Variants in CCDC148 observed in about 807,000 individuals in gnomAD.
CCDC148 encodes coiled-coil domain containing 148.
A neutral mutation model predicts 85.7 loss-of-function variants in CCDC148; 89 were observed. The ratio of observed to expected loss-of-function variants is 1.04; its 90% CI spans 0.87 to 1.24. The LOEUF is 1.24. CCDC148 is among the 50% of genes most tolerant of loss of function. The pLI is 0.00. For synonymous variants in CCDC148, 230 were observed against 213.9 expected, an observed-to-expected ratio of 1.08 and a Z score of -0.66; for missense variants, 692 against 671.7, an observed-to-expected ratio of 1.03 and a Z score of -0.33.
chr2:158,191,805 T>G (rs1425828509), intron 11 of CCDC148, among the ~76,000 whole-genome samples: 5 of 151,970 alleles, frequency 3.3e-5, no homozygotes, highest in Non-Finnish European at 5.9e-5. Flanking sequence ...TCCTTTTTTT[T>G]CTTTGGAGAC....
chr2:158,220,545 AG>A (rs1558992674), intron 11 of CCDC148, 49 bp downstream of exon 11: 1 of 1,235,602 alleles, frequency 8.1e-7, no homozygotes, highest in East Asian at 2.3e-5. Flanking sequence ...ACTTTACAAA[AG>A]ACTCCATTCA....
intron 11 of CCDC148, among the ~76,000 whole-genome samples, chr2:158,205,504 G>A (rs534958887): frequency 2.0e-5 from 3 of 148,118 alleles, no homozygotes; most frequent in South Asian, 2.2e-4. Context: ...ATTGTACTCC[G>A]GGTGCTTTAT....
chr2:158,321,785 A>T (rs568575683), intron 7 of CCDC148, among the ~76,000 whole-genome samples: 25 of 152,260 alleles, frequency 1.6e-4, no homozygotes, highest in African/African-American at 6.0e-4. Flanking sequence ...TATCCATCTC[A>T]TCTTTATTAG....
chr2:158,320,519 T>C (rs1277727240), intron 7 of CCDC148, among the ~76,000 whole-genome samples: 3 of 152,218 alleles, frequency 2.0e-5, no homozygotes, highest in Admixed American at 6.5e-5. Flanking sequence ...GTTTGTTATA[T>C]AAAATAGGTG....
intron 9 of CCDC148, among the ~76,000 whole-genome samples, chr2:158,291,608 C>T (rs984033718): frequency 7.9e-5 from 12 of 152,242 alleles, no homozygotes; most frequent in South Asian, 2.1e-4. Flanking sequence ...TTGCCTTCCT[C>T]GTTAGGCTAT....
intron 9 of CCDC148, among the ~76,000 whole-genome samples, chr2:158,281,799 C>T (rs1690319405): frequency 6.6e-6 from 1 of 152,146 alleles, no homozygotes; most frequent in Non-Finnish European, 1.5e-5. Flanking sequence ...CATCCTGATA[C>T]CAAAGCCGGG....
At chr2:158,174,267 G>A (rs990078925) in intron 13 of CCDC148, among the ~76,000 whole-genome samples, 2 of 152,042 alleles carry the variant, frequency 1.3e-5, no homozygotes, top group South Asian at 2.1e-4. Context: ...AATGCACCCA[G>A]CCAATAAACA....
At chr2:158,395,840 G>C (rs371874748) in intron 1 of CCDC148, among the ~76,000 whole-genome samples, 5 of 152,102 alleles carry the variant, frequency 3.3e-5, no homozygotes, top group Non-Finnish European at 7.4e-5. Context: ...TGTCTAACAG[G>C]AATGTTATGG....
At chr2:158,318,276 T>C (rs1355363677) in intron 7 of CCDC148, among the ~76,000 whole-genome samples, 2 of 152,096 alleles carry the variant, frequency 1.3e-5, no homozygotes, top group African/African-American at 4.8e-5. Flanking sequence ...TCCTCAGAGA[T>C]CCATTCCCAC....
At chr2:158,255,541 T>G (rs1429823574) in intron 9 of CCDC148, among the ~76,000 whole-genome samples, 1 of 151,526 alleles carries the variant, frequency 6.6e-6, no homozygotes, top group Non-Finnish European at 1.5e-5. Context: ...GACAAACAAT[T>G]ATGGTATTTT....
chr2:158,357,925 G>C (rs1361727068), intron 2 of CCDC148, among the ~76,000 whole-genome samples: 3 of 152,170 alleles, frequency 2.0e-5, no homozygotes, highest in Non-Finnish European at 2.9e-5. Context: ...CACAGTGTGT[G>C]AGTAATCCTA....
chr2:158,270,627 A>G (rs998497864), intron 9 of CCDC148, among the ~76,000 whole-genome samples: 30 of 152,206 alleles, frequency 2.0e-4, no homozygotes, highest in Non-Finnish European at 3.8e-4. Context: ...ATGGCTGTCC[A>G]TACAAAAGTA....
chr2:158,326,100 C>G (rs959071803), intron 7 of CCDC148, among the ~76,000 whole-genome samples: 1 of 152,150 alleles, frequency 6.6e-6, no homozygotes. Context: ...TCTAAATGTC[C>G]TGCCCCCCAT....
chr2:158,438,087 C>T (rs935354544), intron 1 of CCDC148, among the ~76,000 whole-genome samples: 66 of 152,242 alleles, frequency 4.3e-4, no homozygotes, highest in African/African-American at 1.2e-3. Flanking sequence ...CCCCATCAAG[C>T]TACCAATGAC....
At chr2:158,314,864 G>T (rs1369968691) in intron 7 of CCDC148, among the ~76,000 whole-genome samples, 2 of 152,062 alleles carry the variant, frequency 1.3e-5, no homozygotes, top group Non-Finnish European at 2.9e-5. Flanking sequence ...GCATTTCAAA[G>T]AATTTCTTAT....
At chr2:158,439,279 T>C (rs1309445434) in intron 1 of CCDC148, among the ~76,000 whole-genome samples, 2 of 152,158 alleles carry the variant, frequency 1.3e-5, no homozygotes, top group Non-Finnish European at 2.9e-5. Context: ...ATATACACCA[T>C]GGAATACTAT....
At chr2:158,435,504 T>C (rs1407059964) in intron 1 of CCDC148, among the ~76,000 whole-genome samples, 3 of 152,196 alleles carry the variant, frequency 2.0e-5, no homozygotes, top group African/African-American at 7.2e-5. Flanking sequence ...CAACAACTGG[T>C]ACTGGCCACT....
At chr2:158,184,834 T>G (rs1159734775) in intron 11 of CCDC148, among the ~76,000 whole-genome samples, 1 of 152,166 alleles carries the variant, frequency 6.6e-6, no homozygotes, top group African/African-American at 2.4e-5. Context: ...AACCTCAGAC[T>G]TCTGGGCCAG....
At chr2:158,446,133 A>G (rs1236196242) in intron 1 of CCDC148, among the ~76,000 whole-genome samples, 1 of 152,132 alleles carries the variant, frequency 6.6e-6, no homozygotes, top group Non-Finnish European at 1.5e-5. Flanking sequence ...GGATCATTTG[A>G]GGCTAGGGGT....
Sources: gnomAD v4.1 joint callset for allele counts (sites outside exome capture counted in the v4.1 genomes callset) on GRCh38, gnomAD v4.1.1 for gene constraint, MANE v1.5 for transcripts, NCBI Gene and HGNC (gene_info 2026-07-23, HGNC 2026-07-21) for gene names.